The following GABRG1 variants were observed in gnomAD, a reference collection of about 807,000 sequenced individuals.
GABRG1 encodes the protein gamma-aminobutyric acid receptor subunit gamma-1.
Under a neutral mutation model 49.8 loss-of-function variants are expected in GABRG1, and 49 were observed. That is an observed-to-expected ratio of 0.98 (90% CI 0.78 to 1.25). The LOEUF (loss-of-function observed/expected upper bound fraction) is 1.25. Ranked by LOEUF, GABRG1 falls within the 50% of genes most tolerant of loss-of-function variation. The pLI is 0.00. For missense variants in GABRG1, 552 were observed against 552.3 expected (o/e 1.00, Z 0.01); for synonymous variants, 232 against 185.1 (o/e 1.25, Z -2.06).
intron 2 of GABRG1, among the ~76,000 whole-genome samples, chr4:46,087,397 A>G (rs887815678): frequency 2.6e-5 from 4 of 151,712 alleles, no homozygotes; most frequent in Non-Finnish European, 5.9e-5. Context: ...GAAATAATAT[A>G]AGTATATTCT....
At chr4:46,118,131 T>TATATATACATATATAC (rs1720984796) in intron 1 of GABRG1, among the ~76,000 whole-genome samples, 1 of 116,268 alleles carries the variant, frequency 8.6e-6, no homozygotes, top group Non-Finnish European at 1.7e-5. Context: ...CGTGTGTGTG[T>TATATATACATATATAC]GTATATATAT....
intron 2 of GABRG1, among the ~76,000 whole-genome samples, chr4:46,094,533 T>C (rs1026947978): frequency 6.6e-6 from 1 of 151,970 alleles, no homozygotes; most frequent in Non-Finnish European, 1.5e-5. Context: ...AGGAAAAGGA[T>C]CTACAAGTAT....
intron 8 of GABRG1, among the ~76,000 whole-genome samples, chr4:46,050,427 C>T (rs1718170240): frequency 6.6e-6 from 1 of 151,648 alleles, no homozygotes; most frequent in African/African-American, 2.4e-5. Flanking sequence ...TGCATTGACT[C>T]CTAGAACTTA....
At chr4:46,114,899 G>A (rs187617556) in intron 1 of GABRG1, among the ~76,000 whole-genome samples, 182 of 150,644 alleles carry the variant, frequency 1.2e-3, no homozygotes, top group African/African-American at 3.7e-3. Flanking sequence ...ATGATTAAGC[G>A]GAACTATAAC....
chr4:46,052,266 T>A (rs985967887), intron 7 of GABRG1, among the ~76,000 whole-genome samples: 1 of 150,000 alleles, frequency 6.7e-6, no homozygotes, highest in Non-Finnish European at 1.5e-5. Context: ...AGACTTCACA[T>A]AAGCAACAGA....
At chr4:46,105,629 AAC>A (rs1161388867) in intron 1 of GABRG1, among the ~76,000 whole-genome samples, 1 of 151,460 alleles carries the variant, frequency 6.6e-6, no homozygotes, top group Non-Finnish European at 1.5e-5. Context: ...ATTCACCTGT[AAC>A]TGTATTTATA....
At chr4:46,117,779 TAC>T (rs1481725779) in intron 1 of GABRG1, among the ~76,000 whole-genome samples, 3 of 141,268 alleles carry the variant, frequency 2.1e-5, no homozygotes, top group African/African-American at 7.9e-5. Context: ...CATATATACA[TAC>T]ATGTATATAC....
At position 46,065,436 on chromosome 4, in the gene GABRG1, T is replaced by C. The variant is rs1375395651; in HGVS notation, c.470A>G (p.Asp157Gly). Residue 157 changes from aspartate to glycine, a missense_variant, in exon 4 of 9, where the codon GAT becomes GGT. By Grantham distance (94) the Asp-to-Gly change is moderately conservative. Transcript: ENST00000295452. ...DTFFRNSRKS[D>G]AHWITTPNRL... Reference sequence around the variant, plus strand: ...ATTAGGAGTTGTTATCCAGTGAGCATCAGATTTTCTTGAGTTTCTGAAGAA... The same window carrying C: ...ATTAGGAGTTGTTATCCAGTGAGCACCAGATTTTCTTGAGTTTCTGAAGAA... The C allele has an allele frequency of 3.1e-6, 5 of 1,613,556 alleles. No individual in the cohort carries two copies. The highest frequency in any genetic ancestry group is 4.2e-6 in the Non-Finnish European group (5 of 1,179,810).
chr4:46,092,899 G>A (rs7667360), intron 2 of GABRG1, among the ~76,000 whole-genome samples: 75,839 of 151,346 alleles, frequency 0.5, 19,315 homozygotes, highest in African/African-American at 0.53. Flanking sequence ...GAGAAACTCC[G>A]TCTCTACTAA....
intron 1 of GABRG1, among the ~76,000 whole-genome samples, chr4:46,106,569 T>G (rs1720553857): frequency 6.6e-6 from 1 of 151,466 alleles, no homozygotes; most frequent in South Asian, 2.1e-4. Flanking sequence ...ATAACTCAAA[T>G]GTACATAAAC....
At chr4:46,077,780 T>C (rs1451984456) in intron 3 of GABRG1, among the ~76,000 whole-genome samples, 8 of 151,736 alleles carry the variant, frequency 5.3e-5, no homozygotes, top group East Asian at 3.9e-4. Flanking sequence ...TAAATAAATA[T>C]ATGACAGACA....
At chr4:46,108,167 T>C (rs1023597049) in intron 1 of GABRG1, among the ~76,000 whole-genome samples, 2 of 151,182 alleles carry the variant, frequency 1.3e-5, no homozygotes, top group East Asian at 2.0e-4. Flanking sequence ...AAACATATAG[T>C]ATTGGGGAAT....
intron 1 of GABRG1, among the ~76,000 whole-genome samples, chr4:46,097,550 GCAAGAAA>G (rs1439228092): frequency 6.6e-6 from 1 of 150,704 alleles, no homozygotes; most frequent in Non-Finnish European, 1.5e-5. Context: ...AGAATTCTGT[GCAAGAAA>G]TACACAATAT....
At chr4:46,075,826 G>A (rs780389648) in intron 3 of GABRG1, among the ~76,000 whole-genome samples, 14 of 152,146 alleles carry the variant, frequency 9.2e-5, no homozygotes, top group Middle Eastern at 3.4e-3. Context: ...GATGGAACTG[G>A]AGGCCATTGA....
chr4:46,105,919 A>G (rs1255026273), intron 1 of GABRG1, among the ~76,000 whole-genome samples: 2 of 151,436 alleles, frequency 1.3e-5, no homozygotes, highest in Non-Finnish European at 3.0e-5. Flanking sequence ...AAACAAGTGA[A>G]GGAGTCCTAT....
rs965296988 is a variant in GABRG1 at position 46,038,949 on chromosome 4, A to T, written c.*2039T>A. ...ACATAGAACGTGGTTCAGAAGGAAA[A>T]GCTATTTATATCAAGCACTTTTAAG... is the stretch of plus-strand genomic sequence containing the variant. On this transcript the variant is annotated 3_prime_UTR_variant, in exon 9 of 9. Transcript: ENST00000295452. 1.3e-5 allele frequency: 2 copies of T among 151,670 alleles called. No homozygotes were observed. The highest frequency in any genetic ancestry group is 3.0e-5 in the Non-Finnish European group (2 of 67,672). The allele number at this position is 151,670 out of a possible 1,614,324, so 9.4% of individuals were successfully genotyped here.
chr4:46,067,257 C>T lies in GABRG1; in HGVS notation c.322-1673G>A, dbSNP rs150710398. Among the ~76,000 whole-genome samples, 33 of 152,034 alleles carry T rather than the reference C, an allele frequency of 2.2e-4. 1 individual carries two copies. Among genetic ancestry groups the T allele is most frequent in the African/African-American group, 6.0e-4 (25 of 41,500 alleles). Reference sequence around the variant, plus strand: ...TGGAATATAAAAATAAATTGAGAAGCTACCTCATTTTATCTATTTTTGATG... The same window carrying T: ...TGGAATATAAAAATAAATTGAGAAGTTACCTCATTTTATCTATTTTTGATG... On this transcript the variant is annotated intron_variant, in intron 3 of 8. Coordinates refer to ENST00000295452, the MANE Select transcript of GABRG1 (RefSeq NM_173536.4).
chr4:46,121,224 A>G (rs577331145), intron 1 of GABRG1, among the ~76,000 whole-genome samples: 53 of 152,040 alleles, frequency 3.5e-4, no homozygotes, highest in Non-Finnish European at 6.3e-4. Flanking sequence ...TATATTTTGG[A>G]AATCATATAA....
intron 2 of GABRG1, among the ~76,000 whole-genome samples, chr4:46,095,153 A>G (rs936210391): frequency 4.6e-5 from 7 of 151,792 alleles, no homozygotes; most frequent in African/African-American, 1.7e-4. Context: ...TCACCAATGA[A>G]TCAACTAAAA....
Sources: allele counts gnomAD v4.1 joint callset (sites outside exome capture counted in the v4.1 genomes callset), GRCh38; gene constraint gnomAD v4.1.1; transcripts MANE v1.5; gene names NCBI Gene and HGNC (gene_info 2026-07-23, HGNC 2026-07-21).